TRIM34: variants seen among roughly 807,000 people sequenced by gnomAD.
TRIM34 encodes E3 ubiquitin-protein ligase TRIM34.
Under a neutral mutation model 38.1 loss-of-function variants are expected in TRIM34, and 41 were observed. The ratio of observed to expected loss-of-function variants is 1.08; its 90% CI spans 0.84 to 1.40. TRIM34 has a LOEUF of 1.40. Ranked by LOEUF, TRIM34 falls within the 40% of genes most tolerant of loss-of-function variation. The pLI is 0.00. For synonymous variants in TRIM34, 200 were observed against 202.5 expected (o/e 0.99, Z 0.10); for missense variants, 556 against 571.4 (o/e 0.97, Z 0.27).
At chr11:5,625,404 G>A (rs953440658) in intron 1 of TRIM34, among the ~76,000 whole-genome samples, 4 of 152,114 alleles carry the variant, frequency 2.6e-5, no homozygotes, top group African/African-American at 9.7e-5. Flanking sequence ...CTCTCTCAAA[G>A]AGATGAACAG....
Position 5,634,671 on chromosome 11 carries a change from T to C in TRIM34, c.560T>C (p.Phe187Ser). ...GAGAGACAAAGGATACAAACAGAAT[T>C]TGATCAGCTTAGAAGCATCCTAAAT... Reference protein sequence around the residue: ...QTERQRIQTEFDQLRSILNNE... With the variant: ...QTERQRIQTESDQLRSILNNE... The change falls in exon 4 of 8, where the codon TTT becomes TCT. Residue 187 changes from phenylalanine (F) to serine (S), a missense_variant. By Grantham distance (155) the Phe-to-Ser change is radical. Transcript: ENST00000429814. 1 of 1,613,864 alleles carries C rather than the reference T, an allele frequency of 6.2e-7. No homozygotes were observed. The highest frequency in any genetic ancestry group is 8.5e-7 in the Non-Finnish European group (1 of 1,179,950).
intron 1 of TRIM34, among the ~76,000 whole-genome samples, chr11:5,628,367 TATC>T (rs1438906174): frequency 6.6e-6 from 1 of 152,262 alleles, no homozygotes; most frequent in African/African-American, 2.4e-5. Flanking sequence ...AATATTATCA[TATC>T]ATATAAACTC....
At chr11:5,641,286 C>T (rs1850001330) in intron 5 of TRIM34, 97 bp downstream of exon 5, 2 of 1,588,590 alleles carry the variant, frequency 1.3e-6, no homozygotes, top group South Asian at 2.3e-5. Flanking sequence ...AAAAATCTCC[C>T]AGAGTAGTAA....
At position 5,634,824 on chromosome 11, in the gene TRIM34, A is replaced by G. The variant is rs371997677; in HGVS notation, c.713A>G (p.Glu238Gly). The G allele has an allele frequency of 6.2e-6, 10 of 1,613,224 alleles. No homozygotes were observed. In the African/African-American group the frequency reaches 1.2e-4, roughly 19 times the overall value. ...GTGAGAGAGCTCATCTCAGATGTGG[A>G]GTGTCGGAGTCAGTGGTCAACAATG... ...QLVRELISDV[E>G]CRSQWSTMEL... The change falls in exon 4 of 8, where the codon GAG becomes GGG. Residue 238 changes from glutamate (E) to glycine (G), a missense_variant. Coordinates refer to ENST00000429814, the MANE Select transcript of TRIM34 (RefSeq NM_021616.6).
chr11:5,622,196 A>T (rs936362695), upstream of TRIM34, among the ~76,000 whole-genome samples: 5 of 152,218 alleles, frequency 3.3e-5, no homozygotes, highest in Admixed American at 3.3e-4. Context: ...CTGTAATCCC[A>T]GGACTTCGGG....
At chr11:5,639,555 C>G (rs552467848) in intron 4 of TRIM34, among the ~76,000 whole-genome samples, 1 of 151,836 alleles carries the variant, frequency 6.6e-6, no homozygotes, top group East Asian at 1.9e-4. Context: ...TGGCACGTAC[C>G]TGTAGTCCCA....
At chr11:5,641,424 G>C (rs1213550084) in intron 5 of TRIM34, 15 of 1,069,160 alleles carry the variant, frequency 1.4e-5, no homozygotes, top group Non-Finnish European at 1.9e-5. Flanking sequence ...AGCCAAAAAG[G>C]ATATTAAGGA....
Position 5,632,242 on chromosome 11 carries a change from T to G in TRIM34, c.-77-13T>G, listed in dbSNP as rs377741281. On this transcript the variant is annotated splice_polypyrimidine_tract_variant and intron_variant, in intron 1 of 7. Coordinates refer to ENST00000429814, the MANE Select transcript of TRIM34 (RefSeq NM_021616.6). ...TGTACCATTCTTATACCATCCCCTT[T>G]CAATCTTCTCAGCCATCCAGGGGTC... 16 of 1,583,686 alleles carry G rather than the reference T, an allele frequency of 1.0e-5. No homozygotes were observed. Among genetic ancestry groups the G allele is most frequent in the Non-Finnish European group, 1.4e-5 (16 of 1,168,508 alleles).
At chr11:5,641,434 A>G in intron 5 of TRIM34, 1 of 1,006,096 alleles carries the variant, frequency 9.9e-7, no homozygotes, top group Non-Finnish European at 1.3e-6. Flanking sequence ...GATATTAAGG[A>G]TGAGAGCTTT....
intron 4 of TRIM34, among the ~76,000 whole-genome samples, chr11:5,639,594 C>T (rs1048214272): frequency 4.2e-5 from 6 of 143,256 alleles, no homozygotes; most frequent in East Asian, 2.1e-4. Context: ...GCAGAAGAAT[C>T]GCTTGAACCG....
chr11:5,623,133 G>A (rs1394710541), upstream of TRIM34, among the ~76,000 whole-genome samples: 1 of 108,638 alleles, frequency 9.2e-6, no homozygotes. Flanking sequence ...TTTTATCTTA[G>A]TAGCTGTCTT....
At position 5,641,207 on chromosome 11, in the gene TRIM34, G is replaced by C. The variant is rs74051049; in HGVS notation, c.773+18G>C. On this transcript the variant is annotated intron_variant, in intron 5 of 7. Transcript: ENST00000429814. ...ATGAAATGGTGCGTATGGGTGGCCA[G>C]GAGTGGTGCTTGTGAGTTATAAAGA... 7.7e-3 allele frequency: 12,397 copies of C among 1,613,746 alleles called. 790 individuals carry two copies. The African/African-American group carries it at 0.14, about 18-fold the overall frequency.
intron 1 of TRIM34, among the ~76,000 whole-genome samples, chr11:5,628,732 T>C (rs139055443): frequency 1.1e-3 from 160 of 152,248 alleles, no homozygotes; most frequent in African/African-American, 3.6e-3. Flanking sequence ...ACAAACTAGA[T>C]GACTTAAAAC....
At position 5,643,806 on chromosome 11, in the gene TRIM34, C is replaced by T; in HGVS notation, c.*97C>T. Reference sequence around the variant, plus strand: ...ACACCATTGCTTCCTTGTGGTTTCCCTTCTTTAGAACTTTTACTCATCCTT... The same window carrying T: ...ACACCATTGCTTCCTTGTGGTTTCCTTTCTTTAGAACTTTTACTCATCCTT... On this transcript the variant is annotated 3_prime_UTR_variant, in exon 8 of 8. Coordinates refer to ENST00000429814, the MANE Select transcript of TRIM34 (RefSeq NM_021616.6). 6.8e-7 allele frequency: 1 copy of T among 1,469,148 alleles called. No homozygotes were observed. The highest frequency in any genetic ancestry group is 9.1e-7 in the Non-Finnish European group (1 of 1,100,996). The allele number at this position is 1,469,148 out of a possible 1,614,324, so 91.0% of individuals were successfully genotyped here.
At chr11:5,641,426 T>C in intron 5 of TRIM34, 1 of 1,074,352 alleles carries the variant, frequency 9.3e-7, no homozygotes, top group Non-Finnish European at 1.2e-6. Context: ...CCAAAAAGGA[T>C]ATTAAGGATG....
At chr11:5,626,615 C>T (rs1849248482) in intron 1 of TRIM34, 1 of 152,170 alleles carries the variant, frequency 6.6e-6, no homozygotes, top group East Asian at 1.9e-4. Flanking sequence ...CGCGGTGGTT[C>T]ACGCTTGTAA....
At chr11:5,629,596 G>A (rs1400599919) in intron 1 of TRIM34, among the ~76,000 whole-genome samples, 1 of 152,184 alleles carries the variant, frequency 6.6e-6, no homozygotes, top group Admixed American at 6.5e-5. Context: ...ATAATTGCAG[G>A]TTTGTTTTGC....
upstream of TRIM34, chr11:5,624,949 G>C (rs1187281253): frequency 6.6e-6 from 1 of 152,202 alleles, no homozygotes; most frequent in African/African-American, 2.4e-5. Flanking sequence ...CCTCAGGAGG[G>C]AGGGACTTCT....
At chr11:5,624,005 C>T (rs1386667892), upstream of TRIM34, among the ~76,000 whole-genome samples, 1 of 152,172 alleles carries the variant, frequency 6.6e-6, no homozygotes, top group Non-Finnish European at 1.5e-5. Flanking sequence ...TTATATTCCT[C>T]ATGAAAATGG....
Sources: gnomAD v4.1 joint callset for allele counts (sites outside exome capture counted in the v4.1 genomes callset) on GRCh38, gnomAD v4.1.1 for gene constraint, MANE v1.5 for transcripts, NCBI Gene and HGNC (gene_info 2026-07-23, HGNC 2026-07-21) for gene names.